The following GRIA1 variants were observed in gnomAD, a reference collection of about 807,000 sequenced individuals.
The protein encoded by GRIA1 is glutamate ionotropic receptor AMPA type subunit 1, also known as glutamate receptor 1.
GRIA1 carries 31 observed loss-of-function variants against 99.2 expected under a neutral mutation model. That is an observed-to-expected ratio of 0.31 (90% CI 0.23 to 0.42). The LOEUF (loss-of-function observed/expected upper bound fraction) is 0.42, where lower values mean the gene tolerates loss of function less well. Among genes scored for constraint, GRIA1 ranks in the 10% least tolerant of loss-of-function variants. The pLI is 1.00. For missense variants in GRIA1, 782 were observed against 1,157.5 expected, an observed-to-expected ratio of 0.68 and a Z score of 4.71; for synonymous variants, 438 against 432.4, an observed-to-expected ratio of 1.01 and a Z score of -0.16.
intron 2 of GRIA1, among the ~76,000 whole-genome samples, chr5:153,544,714 G>T (rs193039550): frequency 1.3e-5 from 2 of 152,106 alleles, no homozygotes; most frequent in African/African-American, 2.4e-5. Flanking sequence ...AAATGCCAAG[G>T]TCAGGGAAAA....
intron 11 of GRIA1, among the ~76,000 whole-genome samples, chr5:153,724,977 A>C (rs1760397440): frequency 6.6e-6 from 1 of 152,056 alleles, no homozygotes; most frequent in African/African-American, 2.4e-5. Context: ...GAAGGAAAAA[A>C]TGTTAAGGGC....
intron 2 of GRIA1, among the ~76,000 whole-genome samples, chr5:153,548,956 TATATC>T (rs1301490813): frequency 1.3e-4 from 19 of 143,292 alleles, no homozygotes; most frequent in African/African-American, 4.1e-4. Flanking sequence ...CTTGATGTAA[TATATC>T]ATAATGTGTT....
rs140661495 is a variant in GRIA1 at position 153,609,351 on chromosome 5, G to A, written c.221-37577G>A. Among the ~76,000 whole-genome samples, 43 of 151,920 alleles carry A rather than the reference G, an allele frequency of 2.8e-4. 2 individuals carry two copies. The East Asian group carries it at 7.6e-3, about 27-fold the overall frequency. ...CTTGTTGTTCTCATTGGGAGTATTC[G>A]TCCAAATTACATAGTCTTTCATTAA... On this transcript the variant is annotated intron_variant, in intron 2 of 15. Transcript: ENST00000285900.
intron 1 of GRIA1, chr5:153,492,313 A>G: frequency 2.0e-6 from 3 of 1,532,670 alleles, no homozygotes; most frequent in East Asian, 2.4e-5. Flanking sequence ...TGAAGTGTGT[A>G]CGTATCTGTG....
intron 10 of GRIA1, among the ~76,000 whole-genome samples, chr5:153,700,715 C>G (rs1392486228): frequency 2.6e-5 from 4 of 152,138 alleles, no homozygotes; most frequent in African/African-American, 9.7e-5. Context: ...ACATGCCAAG[C>G]CCCAGGTCAA....
At chr5:153,766,386 T>G (rs1415215420) in intron 12 of GRIA1, among the ~76,000 whole-genome samples, 1 of 152,210 alleles carries the variant, frequency 6.6e-6, no homozygotes, top group East Asian at 1.9e-4. Flanking sequence ...CCCCTGCTAA[T>G]GCAGTTAGGG....
chr5:153,530,177 C>CA (rs891707051), intron 2 of GRIA1, among the ~76,000 whole-genome samples: 1 of 152,090 alleles, frequency 6.6e-6, no homozygotes, highest in African/African-American at 2.4e-5. Context: ...ATCCCATAGG[C>CA]AAAAAAACTC....
chr5:153,573,575 C>A (rs1762298858), intron 2 of GRIA1, among the ~76,000 whole-genome samples: 1 of 152,014 alleles, frequency 6.6e-6, no homozygotes, highest in Non-Finnish European at 1.5e-5. Flanking sequence ...ATTCTGCTAC[C>A]AGCTGGCTGT....
At chr5:153,491,391 A>T (rs768798557) in intron 1 of GRIA1, 344 of 730,312 alleles carry the variant, frequency 4.7e-4, no homozygotes, top group Non-Finnish European at 5.5e-4. Flanking sequence ...ATATGCACAT[A>T]TATATGTAAT....
intron 11 of GRIA1, among the ~76,000 whole-genome samples, chr5:153,761,489 A>G (rs1763178103): frequency 6.6e-6 from 1 of 152,200 alleles, no homozygotes; most frequent in African/African-American, 2.4e-5. Context: ...CCTTGTTAGA[A>G]TGGCTATTAT....
chr5:153,559,492 C>T (rs1016957447), intron 2 of GRIA1, among the ~76,000 whole-genome samples: 2 of 152,130 alleles, frequency 1.3e-5, no homozygotes, highest in Non-Finnish European at 2.9e-5. Flanking sequence ...GGGACAAGGA[C>T]TCAAGGCCTT....
At chr5:153,617,490 C>T (rs1182898734) in intron 2 of GRIA1, among the ~76,000 whole-genome samples, 1 of 152,198 alleles carries the variant, frequency 6.6e-6, no homozygotes, top group Non-Finnish European at 1.5e-5. Context: ...AACGTTGGCT[C>T]TCTTTCTACC....
intron 7 of GRIA1, among the ~76,000 whole-genome samples, chr5:153,680,746 T>C (rs1404281470): frequency 6.6e-6 from 1 of 152,166 alleles, no homozygotes; most frequent in Non-Finnish European, 1.5e-5. Flanking sequence ...CAGTCCTGCC[T>C]TTAAGGGCTA....
At chr5:153,589,498 G>A (rs1457262778) in intron 2 of GRIA1, among the ~76,000 whole-genome samples, 2 of 152,106 alleles carry the variant, frequency 1.3e-5, no homozygotes, top group Admixed American at 6.5e-5. Flanking sequence ...ATTATAAAAG[G>A]GTATGTTAGA....
At chr5:153,513,168 T>C (rs533474779) in intron 2 of GRIA1, among the ~76,000 whole-genome samples, 2 of 152,288 alleles carry the variant, frequency 1.3e-5, no homozygotes, top group East Asian at 3.9e-4. Context: ...TTAAGGTGTT[T>C]CTTCCATGAA....
intron 2 of GRIA1, among the ~76,000 whole-genome samples, chr5:153,551,585 G>T (rs1454527168): frequency 6.6e-6 from 1 of 152,160 alleles, no homozygotes; most frequent in Non-Finnish European, 1.5e-5. Flanking sequence ...TGCAATATCT[G>T]AAATGAACTG....
At chr5:153,630,689 A>AT (rs1327739788) in intron 2 of GRIA1, among the ~76,000 whole-genome samples, 2 of 152,190 alleles carry the variant, frequency 1.3e-5, no homozygotes, top group Non-Finnish European at 2.9e-5. Flanking sequence ...TCCAGCAGAG[A>AT]TTTTATGGCT....
At chr5:153,512,015 T>C (rs1756129022) in intron 2 of GRIA1, among the ~76,000 whole-genome samples, 1 of 152,188 alleles carries the variant, frequency 6.6e-6, no homozygotes, top group African/African-American at 2.4e-5. Context: ...GCAAATCTGC[T>C]GCAAAAAGAG....
intron 1 of GRIA1, 123 bp from the exon 2 acceptor site, chr5:153,493,805 C>T: frequency 1.1e-6 from 1 of 927,364 alleles, no homozygotes; most frequent in Non-Finnish European, 1.7e-6. Flanking sequence ...TCATCTCTAC[C>T]ACTCAAGGCT....
Sources: gnomAD v4.1 joint callset for allele counts (sites outside exome capture counted in the v4.1 genomes callset) on GRCh38, gnomAD v4.1.1 for gene constraint, MANE v1.5 for transcripts, NCBI Gene and HGNC (gene_info 2026-07-23, HGNC 2026-07-21) for gene names.